The following FHIP1B variants were observed in gnomAD, a reference collection of about 807,000 sequenced individuals.
FHIP1B encodes FHF complex subunit HOOK interacting protein 1B, also known as FHF complex subunit HOOK-interacting protein 1B.
FHIP1B carries 28 observed loss-of-function variants against 82.2 expected under a neutral mutation model. That is an observed-to-expected ratio of 0.34 (90% confidence interval 0.25 to 0.47). FHIP1B has a LOEUF of 0.47. Among genes scored for constraint, FHIP1B ranks in the 20% least tolerant of loss-of-function variants. FHIP1B has a pLI of 1.00. For missense variants in FHIP1B, 1,110 were observed against 1,262.6 expected (o/e 0.88, Z 1.83); for synonymous variants, 585 against 516.1 (o/e 1.13, Z -1.81).
intron 1 of FHIP1B, among the ~76,000 whole-genome samples, chr11:6,231,199 C>T (rs761336013): frequency 3.9e-5 from 6 of 152,010 alleles, no homozygotes; most frequent in East Asian, 1.9e-4. Flanking sequence ...TAACACAGAG[C>T]GAAATGTATT....
chr11:6,230,173 CAGGA>C (rs1377245463), intron 1 of FHIP1B, among the ~76,000 whole-genome samples: 2 of 152,118 alleles, frequency 1.3e-5, no homozygotes, highest in African/African-American at 4.8e-5. Context: ...AGATACAGGG[CAGGA>C]AGTGGCTCAG....
At chr11:6,216,029 G>C (rs1847217015) in intron 9 of FHIP1B, among the ~76,000 whole-genome samples, 2 of 149,234 alleles carry the variant, frequency 1.3e-5, no homozygotes, top group South Asian at 4.2e-4. Flanking sequence ...AAGTTTCTTG[G>C]AAAAAAAAAA....
chr11:6,218,417 AT>A, intron 8 of FHIP1B, 182 bp downstream of exon 8: 1 of 982,058 alleles, frequency 1.0e-6, no homozygotes, highest in Non-Finnish European at 1.5e-6. Context: ...TCCCACTCTA[AT>A]TTTCTTTGGT....
Position 6,217,402 on chromosome 11 carries a change from A to G in FHIP1B, c.2184T>C (p.Thr728=). Residue 728 remains threonine, a synonymous_variant, in exon 9 of 12, where the codon ACT becomes ACC. Coordinates refer to ENST00000449352, the MANE Select transcript of FHIP1B (RefSeq NM_001098794.2). ...PGPFLSSPLR[T]LNQLPSQPFT... ...AGGGCTGGCTTGGCAGCTGGTTGAG[A>G]GTCCGCAAAGGGCTGCTGAGGAAGG... is the stretch of plus-strand genomic sequence containing the variant. 6.2e-7 allele frequency: 1 copy of G among 1,614,112 alleles called. No homozygotes were observed. Among genetic ancestry groups the G allele is most frequent in the African/African-American group, 1.3e-5 (1 of 75,034 alleles).
At chr11:6,219,771 C>G (rs1430375177) in intron 6 of FHIP1B, among the ~76,000 whole-genome samples, 1 of 152,216 alleles carries the variant, frequency 6.6e-6, no homozygotes, top group African/African-American at 2.4e-5. Context: ...CTATACTTCC[C>G]TTACAGCAAG....
At chr11:6,233,740 C>T (rs1847763503) in intron 1 of FHIP1B, among the ~76,000 whole-genome samples, 1 of 152,172 alleles carries the variant, frequency 6.6e-6, no homozygotes, top group Non-Finnish European at 1.5e-5. Context: ...CAAAGACCCA[C>T]AGTTAAGCAC....
At chr11:6,219,647 T>A (rs917003593) in intron 6 of FHIP1B, among the ~76,000 whole-genome samples, 2 of 152,164 alleles carry the variant, frequency 1.3e-5, no homozygotes, top group Non-Finnish European at 2.9e-5. Flanking sequence ...TGGGTCAAGA[T>A]TAGAGGAAAT....
Position 6,211,558 on chromosome 11 carries a change from G to C in FHIP1B, c.2867C>G (p.Ser956Ter). 6.2e-7 allele frequency: 1 copy of C among 1,613,838 alleles called. No individual in the cohort carries two copies. Among genetic ancestry groups the C allele is most frequent in the Non-Finnish European group, 8.5e-7 (1 of 1,179,848 alleles). Residue 956 changes from serine (S) to a stop codon, truncating the protein, a stop_gained, in exon 12 of 12, where the codon TCA becomes TGA. Transcript: ENST00000449352. LOFTEE classifies it high-confidence loss of function. ...AVTSPFLLET[S>*]EEGSGPLISG... is the part of the protein sequence containing the mutation. ...GATGAGAGGGCCAGATCCTTCCTCT[G>C]AAGTCTCCAACAAGAAAGGCGAGGT... is the stretch of plus-strand genomic sequence containing the variant.
intron 5 of FHIP1B, 55 bp from the exon 6 acceptor site, chr11:6,222,664 G>T: frequency 1.3e-6 from 2 of 1,594,570 alleles, no homozygotes; most frequent in Non-Finnish European, 1.7e-6. Context: ...CACATACAGG[G>T]CCATTTTCCC....
intron 9 of FHIP1B, chr11:6,217,076 CA>C (rs1274829233): frequency 2.8e-6 from 2 of 702,558 alleles, no homozygotes; most frequent in African/African-American, 1.7e-5. Flanking sequence ...ATCCTAATTA[CA>C]AATCGCAGGA....
rs1258799715 is a variant in FHIP1B at position 6,217,894 on chromosome 11, G to A, written c.1692C>T (p.Arg564=). 6 of 1,613,112 alleles carry A rather than the reference G, an allele frequency of 3.7e-6. No homozygotes were observed. In the African/African-American group the frequency reaches 5.3e-5, roughly 14 times the overall value. ...YLREARRGVD[R]CVRACRTWSA... ...ACCAGGTACGGCAGGCTCGGACACA[G>A]CGGTCCACACCACGACGTGCCTCAC... Residue 564 remains arginine, a synonymous_variant, in exon 9 of 12, where the codon CGC becomes CGT. Transcript: ENST00000449352.
intron 8 of FHIP1B, 135 bp from the exon 9 acceptor site, chr11:6,218,285 AC>A: frequency 2.3e-6 from 3 of 1,277,676 alleles, no homozygotes; most frequent in Non-Finnish European, 3.2e-6. Context: ...TAACTCTCCA[AC>A]CTCCTAATTA....
chr11:6,217,304 C>G, intron 9 of FHIP1B, 67 bp downstream of exon 9: 1 of 1,472,320 alleles, frequency 6.8e-7, no homozygotes, highest in Non-Finnish European at 9.5e-7. Context: ...GTCCAAGAAA[C>G]CAGCACAAAC....
chr11:6,225,638 G>GTGAA (rs1034065915), intron 1 of FHIP1B, among the ~76,000 whole-genome samples: 17 of 152,270 alleles, frequency 1.1e-4, no homozygotes, highest in African/African-American at 2.6e-4. Flanking sequence ...AAATAAGTGA[G>GTGAA]TGAATGAATG....
At position 6,218,641 on chromosome 11, in the gene FHIP1B, G is replaced by A. The variant is rs1248254915; in HGVS notation, c.1394C>T (p.Ala465Val). ...SLIPRCCRHH[A>V]PSPPRPEHAS... The stretch of plus-strand genomic sequence containing the variant: ...ATGCTCTGGACGAGGTGGGCTGGGG[G>A]CGTGGTGCCGACAACAGCGTGGGAT... Residue 465 changes from alanine (A) to valine (V), a missense_variant, in exon 8 of 12, where the codon GCC (alanine) becomes GTC (valine). Ala to Val is a moderately conservative substitution (Grantham distance 64). Coordinates refer to ENST00000449352, the MANE Select transcript of FHIP1B (RefSeq NM_001098794.2). 3 of 1,614,068 alleles carry A rather than the reference G, an allele frequency of 1.9e-6. No individual in the cohort carries two copies. The highest frequency in any genetic ancestry group is 2.5e-6 in the Non-Finnish European group (3 of 1,180,042).
At chr11:6,222,148 A>G (rs1393827025) in intron 6 of FHIP1B, among the ~76,000 whole-genome samples, 1 of 152,212 alleles carries the variant, frequency 6.6e-6, no homozygotes, top group Admixed American at 6.5e-5. Flanking sequence ...AACTCAGGCC[A>G]ATACTACATT....
At chr11:6,215,553 T>C (rs2133789628) in intron 9 of FHIP1B, among the ~76,000 whole-genome samples, 1 of 152,290 alleles carries the variant, frequency 6.6e-6, no homozygotes, top group East Asian at 1.9e-4. Flanking sequence ...AATTTAAAGT[T>C]AGGGAAAAAA....
At chr11:6,227,575 A>T (rs1237650525) in intron 1 of FHIP1B, among the ~76,000 whole-genome samples, 1 of 152,232 alleles carries the variant, frequency 6.6e-6, no homozygotes, top group Non-Finnish European at 1.5e-5. Context: ...TGAGACATCT[A>T]CAGGATATTC....
chr11:6,224,395 T>C lies in FHIP1B; in HGVS notation c.122A>G (p.Lys41Arg), dbSNP rs1235194434. ...ADPETCLMVF[K>R]NHWSQVVRIL... ...GTCTCCTACCTGGGACCAGTGATTC[T>C]TGAAGACCATGAGGCAGGTCTCGGG... The change falls in exon 2 of 12, where the codon AAG (lysine) becomes AGG (arginine). Residue 41 changes from lysine to arginine, a missense_variant. This residue lies in a region of FHIP1B where 467 missense variants were observed against 602.9 expected (regional missense o/e 0.77). Transcript: ENST00000449352. 4.3e-6 allele frequency: 7 copies of C among 1,614,086 alleles called. No individual in the cohort carries two copies. Among genetic ancestry groups the C allele is most frequent in the Non-Finnish European group, 5.1e-6 (6 of 1,180,046 alleles).
Sources: allele counts gnomAD v4.1 joint callset (sites outside exome capture counted in the v4.1 genomes callset), GRCh38; gene constraint gnomAD v4.1.1; regional missense constraint gnomAD v4.1.1; transcripts MANE v1.5; gene names NCBI Gene and HGNC (gene_info 2026-07-23, HGNC 2026-07-21).